PRAME: variants seen among roughly 807,000 people sequenced by gnomAD.
The protein encoded by PRAME is PRAME nuclear receptor transcriptional regulator.
PRAME carries 21 observed loss-of-function variants against 32.1 expected under a neutral mutation model. The ratio of observed to expected loss-of-function variants is 0.65; its 90% CI spans 0.46 to 0.94. PRAME has a LOEUF of 0.94. Ranked by LOEUF, PRAME falls within the 40% of genes least tolerant of loss-of-function variation. The pLI, the probability that PRAME is intolerant of heterozygous loss-of-function variation, is 0.00. For missense variants in PRAME, 651 were observed against 622.3 expected (o/e 1.05, Z -0.49); for synonymous variants, 274 against 251.5 (o/e 1.09, Z -0.85).
chr22:22,557,078 T>C, intron 2 of PRAME, 169 bp from the exon 3 acceptor site: 2 of 579,678 alleles, frequency 3.5e-6, no homozygotes, highest in South Asian at 2.0e-5. Context: ...AGCACCAGTG[T>C]TTCCTGGGCT....
intron 3 of PRAME, among the ~76,000 whole-genome samples, chr22:22,552,132 A>G (rs1275416225): frequency 6.6e-6 from 1 of 151,190 alleles, no homozygotes; most frequent in African/African-American, 2.4e-5. Flanking sequence ...AAAAAAAAAA[A>G]AAGAAAAAAA....
chr22:22,556,014 G>T, intron 3 of PRAME: 1 of 409,006 alleles, frequency 2.4e-6, no homozygotes, highest in South Asian at 1.8e-5. Context: ...TTTTTTGGAG[G>T]AGGAGTTTCA....
Position 22,549,937 on chromosome 22 carries a change from T to G in PRAME, c.742A>C (p.Thr248Pro). The change falls in exon 5 of 6, where the codon ACC becomes CCC. Residue 248 changes from threonine (T) to proline (P), a missense_variant. Physicochemically the swap from Thr to Pro is conservative, Grantham distance 38. Transcript: ENST00000405655. ...AGGTAAGGAGAAAATTTCGCCAAGG[T>G]GGGTAGCTTCCAGGTACAAGTCACT... is the stretch of plus-strand genomic sequence containing the variant. ...LEVTCTWKLP[T>P]LAKFSPYLGQ... is the part of the protein sequence containing the mutation. 1 of 1,613,792 alleles carries G rather than the reference T, an allele frequency of 6.2e-7. No homozygotes were observed. The highest frequency in any genetic ancestry group is 1.3e-5 in the African/African-American group (1 of 74,940).
chr22:22,553,751 T>C (rs1041561892), intron 3 of PRAME: 81 of 975,650 alleles, frequency 8.3e-5, no homozygotes, highest in Non-Finnish European at 9.4e-5. Context: ...TGTGGTTTCT[T>C]AGGAATCTTG....
At chr22:22,555,391 C>A (rs1209810938) in intron 3 of PRAME, among the ~76,000 whole-genome samples, 1 of 151,866 alleles carries the variant, frequency 6.6e-6, no homozygotes, top group Non-Finnish European at 1.5e-5. Context: ...CACACGCCCC[C>A]ACACACGGCT....
rs1274585864 is a variant in PRAME, at chr22:22,548,467, G to C, written c.1130C>G (p.Ser377Cys). 1 of 1,613,774 alleles carries C rather than the reference G, an allele frequency of 6.2e-7. No individual in the cohort carries two copies. Among genetic ancestry groups the C allele is most frequent in the Non-Finnish European group, 8.5e-7 (1 of 1,179,946 alleles). The part of the protein sequence containing the change: ...EPLQALLERA[S>C]ATLQDLVFDE... Reference sequence around the variant, plus strand: ...AAAGACCAGGTCCTGGAGGGTGGCAGAGGCTCTCTCCAGCAGAGCTTGGAG... The same window carrying C: ...AAAGACCAGGTCCTGGAGGGTGGCACAGGCTCTCTCCAGCAGAGCTTGGAG... The change falls in exon 6 of 6, where the codon TCT (serine) becomes TGT (cysteine). Residue 377 changes from serine (S) to cysteine (C), a missense_variant. Ser to Cys is a moderately radical substitution (Grantham distance 112). Transcript: ENST00000405655.
chr22:22,556,685 A>T, intron 3 of PRAME, 127 bp downstream of exon 3: 1 of 1,125,544 alleles, frequency 8.9e-7, no homozygotes, highest in Non-Finnish European at 1.3e-6. Context: ...AAACAATAAA[A>T]GCGGCTCCTG....
rs1316922835 is a variant in PRAME, at chr22:22,549,937, T to C, written c.742A>G (p.Thr248Ala). 4 of 1,613,676 alleles carry C rather than the reference T, an allele frequency of 2.5e-6. No individual in the cohort carries two copies. In the East Asian group the frequency reaches 6.7e-5, roughly 27 times the overall value. ...LEVTCTWKLP[T>A]LAKFSPYLGQ... ...AGGTAAGGAGAAAATTTCGCCAAGG[T>C]GGGTAGCTTCCAGGTACAAGTCACT... Residue 248 changes from threonine to alanine, a missense_variant, in exon 5 of 6, where the codon ACC (threonine) becomes GCC (alanine). Physicochemically the swap from Thr to Ala is moderately conservative, Grantham distance 58. Coordinates refer to ENST00000405655, the MANE Select transcript of PRAME (RefSeq NM_206956.3).
At position 22,548,293 on chromosome 22, in the gene PRAME, T is replaced by C. The variant is rs140791302; in HGVS notation, c.1304A>G (p.Asn435Ser). 401 of 1,613,634 alleles carry C rather than the reference T, an allele frequency of 2.5e-4. 2 individuals are homozygous for C. Among genetic ancestry groups the C allele is most frequent in the Non-Finnish European group, 2.8e-4 (325 of 1,179,934 alleles). The change falls in exon 6 of 6, where the codon AAT (asparagine) becomes AGT (serine). Residue 435 changes from asparagine to serine, a missense_variant. By Grantham distance (46) the Asn-to-Ser change is conservative. Transcript: ENST00000405655. ...GACAGGATACAGCACGTGGGTCAGA[T>C]TGCTCAGCCCGATGAGGTGCTGCAG... ...SLLQHLIGLS[N>S]LTHVLYPVPL...
intron 3 of PRAME, chr22:22,554,217 C>A (rs1365717089): frequency 1.0e-6 from 1 of 985,072 alleles, no homozygotes; most frequent in Non-Finnish European, 1.2e-6. Context: ...AAGAATTCTC[C>A]AGGCCATTCT....
intron 2 of PRAME, 54 bp from the exon 3 acceptor site, chr22:22,556,963 C>T (rs994638783): frequency 5.9e-6 from 7 of 1,190,374 alleles, no homozygotes; most frequent in Middle Eastern, 2.1e-4. Context: ...ATAATATTTA[C>T]GAAGCAACGG....
rs116965324 is a variant in PRAME at position 22,550,059 on chromosome 22, C to G, written c.620G>C (p.Arg207Pro). 4 of 1,613,876 alleles carry G rather than the reference C, an allele frequency of 2.5e-6. No individual in the cohort carries two copies. The highest frequency in any genetic ancestry group is 1.7e-6 in the Non-Finnish European group (2 of 1,179,950). Residue 207 changes from arginine (R) to proline (P), a missense_variant, in exon 5 of 6, where the codon CGC becomes CCC. Physicochemically the swap from Arg to Pro is moderately radical, Grantham distance 103. Transcript: ENST00000405655. ...AATCTTCAGCTTCTTACAGCACAGGCGTAGTACATTTTTCTTTCGCTTCAC... is the reference window on the plus strand; with the variant it reads ...AATCTTCAGCTTCTTACAGCACAGGGGTAGTACATTTTTCTTTCGCTTCAC... ...EKVKRKKNVLRLCCKKLKIFA... is the reference protein window; with the variant it reads ...EKVKRKKNVLPLCCKKLKIFA...
intron 3 of PRAME, among the ~76,000 whole-genome samples, chr22:22,552,047 C>A (rs1454269572): frequency 9.4e-5 from 14 of 148,912 alleles, no homozygotes; most frequent in African/African-American, 3.5e-4. Flanking sequence ...TTTTGGGAGG[C>A]CAGGGTGGGA....
chr22:22,555,845 C>A (rs527514030), intron 3 of PRAME: 71 of 470,350 alleles, frequency 1.5e-4, no homozygotes, highest in South Asian at 1.0e-3. Context: ...CCCCTAATGG[C>A]CCAAGCCCAT....
At chr22:22,553,440 GT>G (rs564537534) in intron 3 of PRAME, among the ~76,000 whole-genome samples, 2 of 151,924 alleles carry the variant, frequency 1.3e-5, no homozygotes, top group African/African-American at 4.8e-5. Context: ...AGACAGATAG[GT>G]TTTTTTGGGG....
chr22:22,556,747 G>C (rs1343271583), intron 3 of PRAME, 65 bp downstream of exon 3: 88 of 1,594,218 alleles, frequency 5.5e-5, no homozygotes, highest in Non-Finnish European at 7.2e-5. Flanking sequence ...TCTGGCTCGA[G>C]TGACAAGGAC....
Position 22,550,068 on chromosome 22 carries a change from T to C in PRAME, c.611A>G (p.Asn204Ser), listed in dbSNP as rs61730836. The change falls in exon 5 of 6, where the codon AAT becomes AGT. Residue 204 changes from asparagine to serine, a missense_variant. Physicochemically the swap from Asn to Ser is conservative, Grantham distance 46 (BLOSUM62 1). Coordinates refer to ENST00000405655, the MANE Select transcript of PRAME (RefSeq NM_206956.3). ...YLIEKVKRKKNVLRLCCKKLK... is the reference protein window; with the variant it reads ...YLIEKVKRKKSVLRLCCKKLK... ...CTTCTTACAGCACAGGCGTAGTACA[T>C]TTTTCTTTCGCTTCACTTTCTCAAT... 3.2e-3 allele frequency: 5,134 copies of C among 1,613,868 alleles called. 142 individuals are homozygous for C. The African/African-American group carries it at 0.061, about 19-fold the overall frequency.
chr22:22,555,490 G>A (rs2062850337), intron 3 of PRAME, among the ~76,000 whole-genome samples: 1 of 151,838 alleles, frequency 6.6e-6, no homozygotes, highest in Non-Finnish European at 1.5e-5. Context: ...TGCCTGTCTA[G>A]GCCTCCCAAA....
chr22:22,551,963 A>G (rs1187977694), intron 3 of PRAME, among the ~76,000 whole-genome samples: 1 of 151,552 alleles, frequency 6.6e-6, no homozygotes, highest in Non-Finnish European at 1.5e-5. Context: ...AACTACAGTT[A>G]CCATCTTGTA....
Sources: allele counts gnomAD v4.1 joint callset (sites outside exome capture counted in the v4.1 genomes callset), GRCh38; gene constraint gnomAD v4.1.1; transcripts MANE v1.5; gene names NCBI Gene and HGNC (gene_info 2026-07-23, HGNC 2026-07-21).